The following CELF2 variants were observed in gnomAD, a reference collection of about 807,000 sequenced individuals.
The protein encoded by CELF2 is CUG triplet repeat RNA-binding protein 2.
CELF2 carries 8 observed loss-of-function variants against 62.6 expected under a neutral mutation model. That is an observed-to-expected ratio of 0.13 (90% CI 0.07 to 0.23). The LOEUF (loss-of-function observed/expected upper bound fraction) is 0.23, where lower values mean the gene tolerates loss of function less well. Ranked by LOEUF, CELF2 falls within the 10% of genes least tolerant of loss-of-function variation. CELF2 has a pLI of 1.00. For missense variants in CELF2, 333 were observed against 671.0 expected, an observed-to-expected ratio of 0.50 and a Z score of 5.56; for synonymous variants, 258 against 250.0, an observed-to-expected ratio of 1.03 and a Z score of -0.30.
At chr10:10,589,395 G>A in the CELF2 span, among the ~76,000 whole-genome samples, 13 of 152,196 alleles carry the variant, frequency 8.5e-5, no homozygotes, top group Non-Finnish European at 1.6e-4. Context: ...GATGTTAATG[G>A]TAATAAGGCT....
chr10:11,220,737 C>T lies in CELF2; in HGVS notation c.354+3230C>T, dbSNP rs573675821. Among the ~76,000 whole-genome samples the T allele has an allele frequency of 6.6e-6, 1 of 152,210 alleles. No homozygotes were observed. Among genetic ancestry groups the T allele is most frequent in the African/African-American group, 2.4e-5 (1 of 41,454 alleles). ...GAGCAAGGGATGAGAGTCTGGGAGT[C>T]CTTCCCTTGGTTTGATCACACATCT... On this transcript the variant is annotated intron_variant, in intron 3 of 12. Coordinates refer to ENST00000633077, the MANE Select transcript of CELF2 (RefSeq NM_001326342.2). This position sits in a 1 kb window ranked among gnomAD's most constrained non-coding sequence, Gnocchi z 4.4.
At chr10:10,764,726 G>A in the CELF2 span, among the ~76,000 whole-genome samples, 731 of 152,228 alleles carry the variant, frequency 4.8e-3, 4 homozygotes, top group African/African-American at 1.0e-2. Context: ...ACTTTACTTG[G>A]CAATTGGAAG....
chr10:11,153,692 C>T (rs2063759311), intron 1 of CELF2, among the ~76,000 whole-genome samples: 1 of 152,214 alleles, frequency 6.6e-6, no homozygotes, highest in Admixed American at 6.5e-5. Flanking sequence ...ATTGGATGTA[C>T]AATTAACCGT....
At chr10:10,597,509 C>A in the CELF2 span, among the ~76,000 whole-genome samples, 1 of 151,760 alleles carries the variant, frequency 6.6e-6, no homozygotes, top group African/African-American at 2.4e-5. Flanking sequence ...TCTAGGCAAG[C>A]ACAAATGTGG....
chr10:10,945,722 G>T (rs2047592887), intron 2 of CELF2, among the ~76,000 whole-genome samples: 1 of 152,184 alleles, frequency 6.6e-6, no homozygotes, highest in Non-Finnish European at 1.5e-5. Flanking sequence ...ACTGGCATGA[G>T]CCCTGTGGTA....
chr10:10,882,619 C>T (rs2061504737), intron 1 of CELF2, among the ~76,000 whole-genome samples: 1 of 152,114 alleles, frequency 6.6e-6, no homozygotes, highest in Non-Finnish European at 1.5e-5. Flanking sequence ...AAAAGCAATT[C>T]CTTCATTGAT....
chr10:10,737,225 C>A, the CELF2 span, among the ~76,000 whole-genome samples: 6 of 152,184 alleles, frequency 3.9e-5, no homozygotes, highest in African/African-American at 1.2e-4. Context: ...GGTTCGCATA[C>A]TGTCCCTATA....
rs1038605705 is a variant in CELF2, at chr10:11,311,492, T to C, written c.977-2647T>C. The stretch of plus-strand genomic sequence containing the variant: ...TAAACCAAGCACCAAGAGTGAGAAA[T>C]AGCAGGGACATTATTAGACACCACC... On this transcript the variant is annotated intron_variant, in intron 9 of 12. Transcript: ENST00000633077. This position sits in a 1 kb window ranked among gnomAD's most constrained non-coding sequence, Gnocchi z 4.7. Among the ~76,000 whole-genome samples the C allele has an allele frequency of 6.6e-6, 1 of 151,768 alleles. No individual in the cohort carries two copies. The highest frequency in any genetic ancestry group is 1.5e-5 in the Non-Finnish European group (1 of 67,962).
chr10:10,753,838 G>A, the CELF2 span, among the ~76,000 whole-genome samples: 1 of 152,214 alleles, frequency 6.6e-6, no homozygotes, highest in East Asian at 1.9e-4. Flanking sequence ...TAATTCCAGA[G>A]CAAAACCCAT....
the CELF2 span, among the ~76,000 whole-genome samples, chr10:10,535,442 G>A: frequency 3.3e-5 from 5 of 152,160 alleles, no homozygotes; most frequent in Admixed American, 2.0e-4. Context: ...GGTTTGGACC[G>A]GGTGCGGTGG....
At chr10:10,878,452 G>A (rs543869794) in intron 1 of CELF2, among the ~76,000 whole-genome samples, 5 of 152,128 alleles carry the variant, frequency 3.3e-5, no homozygotes, top group Admixed American at 6.5e-5. Flanking sequence ...TTTAACCCGC[G>A]CTTCTGTGCC....
chr10:10,483,703 G>C, the CELF2 span, among the ~76,000 whole-genome samples: 4 of 152,092 alleles, frequency 2.6e-5, no homozygotes, highest in Non-Finnish European at 4.4e-5. Flanking sequence ...TGTCTACCAG[G>C]CTGGTGTCCA....
At chr10:10,977,031 T>A (rs551602703) in intron 2 of CELF2, among the ~76,000 whole-genome samples, 4 of 152,036 alleles carry the variant, frequency 2.6e-5, no homozygotes, top group Non-Finnish European at 5.9e-5. Context: ...CCTAAAAGAG[T>A]TCCTGCTGGT....
intron 1 of CELF2, among the ~76,000 whole-genome samples, chr10:10,799,052 T>A (rs1052011637): frequency 6.6e-6 from 1 of 152,030 alleles, no homozygotes; most frequent in African/African-American, 2.4e-5. Flanking sequence ...GCCTTGGCAA[T>A]GAGGGAGGAC....
intron 1 of CELF2, among the ~76,000 whole-genome samples, chr10:10,859,207 A>G (rs1002350560): frequency 2.0e-5 from 3 of 152,210 alleles, no homozygotes; most frequent in Non-Finnish European, 1.5e-5. Flanking sequence ...ACAATAAAAA[A>G]CAAATTGCTC....
At position 10,928,800 on chromosome 10, in the gene CELF2, C is replaced by A. The variant is rs1053758182; in HGVS notation, c.89+8801C>A. Among the ~76,000 whole-genome samples, 3 of 152,126 alleles carry A rather than the reference C, an allele frequency of 2.0e-5. No homozygotes were observed. The highest frequency in any genetic ancestry group is 7.2e-5 in the African/African-American group (3 of 41,442). On this transcript the variant is annotated intron_variant, in intron 2 of 13. Coordinates refer to the CELF2 transcript ENST00000636488. The surrounding 1 kb of genome is among the most constrained non-coding windows in gnomAD (Gnocchi z 4.8). ...TATAATTGACTAGAGGACTTTTACACCTTCTCCGCTAAGTAGGAAACACAC... is the reference window on the plus strand; with the variant it reads ...TATAATTGACTAGAGGACTTTTACAACTTCTCCGCTAAGTAGGAAACACAC...
intron 1 of CELF2, among the ~76,000 whole-genome samples, chr10:11,040,439 G>A (rs566472862): frequency 4.2e-4 from 64 of 152,228 alleles, no homozygotes; most frequent in African/African-American, 1.5e-3. Context: ...ACTTTTAAAG[G>A]TATAATTTGT....
chr10:10,798,610 G>A (rs1005326380), upstream of CELF2: 1 of 396,874 alleles, frequency 2.5e-6, no homozygotes, highest in Non-Finnish European at 4.4e-6. Flanking sequence ...TGATTTGCGG[G>A]GTGGAGAGAA....
intron 2 of CELF2, among the ~76,000 whole-genome samples, chr10:10,952,415 T>C (rs2048422292): frequency 6.6e-6 from 1 of 151,988 alleles, no homozygotes; most frequent in African/African-American, 2.4e-5. Flanking sequence ...TGGAGCCTCT[T>C]GAGGTGGAGG....
Sources: allele counts gnomAD v4.1 joint callset (sites outside exome capture counted in the v4.1 genomes callset), GRCh38; gene constraint gnomAD v4.1.1; non-coding constraint Gnocchi (gnomAD v3.1); transcripts MANE v1.5; gene names NCBI Gene and HGNC (gene_info 2026-07-23, HGNC 2026-07-21).